The following IMPG2 variants were observed in gnomAD, a reference collection of about 807,000 sequenced individuals.
IMPG2 encodes the protein IPM 200.
Under a neutral mutation model 129.2 loss-of-function variants are expected in IMPG2, and 91 were observed. The ratio of observed to expected loss-of-function variants is 0.70; its 90% CI spans 0.59 to 0.84. IMPG2 has a LOEUF of 0.84. Ranked by LOEUF, IMPG2 falls within the 40% of genes least tolerant of loss-of-function variation. IMPG2 has a pLI of 0.00. For synonymous variants in IMPG2, 510 were observed against 517.7 expected (o/e 0.99, Z 0.20); for missense variants, 1,430 against 1,461.7 (o/e 0.98, Z 0.35).
chr3:101,269,629 G>C (rs1706758101), intron 7 of IMPG2, 56 bp from the exon 8 acceptor site: 1 of 1,005,738 alleles, frequency 9.9e-7, no homozygotes, highest in East Asian at 2.5e-5. Context: ...AAAATATATA[G>C]AAAATAATGC....
chr3:101,227,570 G>A (rs545573920), intron 18 of IMPG2, among the ~76,000 whole-genome samples: 94 of 152,302 alleles, frequency 6.2e-4, no homozygotes, highest in East Asian at 2.1e-3. Context: ...CTAAAGGGTT[G>A]AAACATTCCT....
intron 4 of IMPG2, among the ~76,000 whole-genome samples, chr3:101,281,800 A>G (rs1350393916): frequency 1.3e-5 from 2 of 152,160 alleles, no homozygotes; most frequent in Admixed American, 1.3e-4. Flanking sequence ...AATGTGAGAG[A>G]GACTCCACCG....
intron 5 of IMPG2, among the ~76,000 whole-genome samples, chr3:101,276,031 A>G (rs919516193): frequency 2.0e-5 from 3 of 152,180 alleles, no homozygotes; most frequent in Non-Finnish European, 4.4e-5. Flanking sequence ...TTAAGGAGCT[A>G]TCTAGTAAAG....
intron 14 of IMPG2, among the ~76,000 whole-genome samples, chr3:101,234,514 T>C (rs529297305): frequency 6.6e-6 from 1 of 152,254 alleles, no homozygotes; most frequent in Admixed American, 6.5e-5. Context: ...AGGAAACTAA[T>C]ACAGGGGACC....
chr3:101,233,781 GAC>G (rs1209668912), intron 14 of IMPG2, among the ~76,000 whole-genome samples: 1 of 152,086 alleles, frequency 6.6e-6, no homozygotes, highest in Non-Finnish European at 1.5e-5. Flanking sequence ...GGCAAATGGT[GAC>G]ACAGACATTG....
At chr3:101,317,036 C>T (rs1280117074) in intron 2 of IMPG2, among the ~76,000 whole-genome samples, 1 of 151,708 alleles carries the variant, frequency 6.6e-6, no homozygotes, top group Non-Finnish European at 1.5e-5. Context: ...TAATACATAG[C>T]GATAGAAAGC....
chr3:101,269,505 G>C lies in IMPG2; in HGVS notation c.887+10C>G, dbSNP rs767130055. ...ACTGAAAATGTGCATATTTAGATAAGTCTATTTACCTAAATTCAAGTACAC... is the reference window on the plus strand; with the variant it reads ...ACTGAAAATGTGCATATTTAGATAACTCTATTTACCTAAATTCAAGTACAC... On this transcript the variant is annotated intron_variant, in intron 8 of 18. Transcript: ENST00000193391. 1 of 1,480,708 alleles carries C rather than the reference G, an allele frequency of 6.8e-7. No homozygotes were observed. The highest frequency in any genetic ancestry group is 9.4e-7 in the Non-Finnish European group (1 of 1,058,834). The allele number at this position is 1,480,708 out of a possible 1,614,324, so 91.7% of individuals were successfully genotyped here.
At chr3:101,242,550 AAGATGTGG>A in intron 14 of IMPG2, 130 bp downstream of exon 14, 1 of 702,814 alleles carries the variant, frequency 1.4e-6, no homozygotes. Flanking sequence ...ACTAGTTACC[AAGATGTGG>A]AAGATTTGTC....
intron 14 of IMPG2, among the ~76,000 whole-genome samples, chr3:101,233,874 A>T (rs1444150991): frequency 1.3e-5 from 2 of 152,134 alleles, no homozygotes; most frequent in Non-Finnish European, 2.9e-5. Context: ...GGCTATAGGG[A>T]ATAAAAAGAA....
At chr3:101,278,731 A>T (rs1047603851) in intron 4 of IMPG2, among the ~76,000 whole-genome samples, 7 of 152,104 alleles carry the variant, frequency 4.6e-5, no homozygotes, top group African/African-American at 1.7e-4. Flanking sequence ...CACCATAAAG[A>T]TCTTTCTGGT....
At chr3:101,294,170 AC>A (rs1279681630) in intron 3 of IMPG2, among the ~76,000 whole-genome samples, 2 of 152,106 alleles carry the variant, frequency 1.3e-5, no homozygotes, top group Admixed American at 1.3e-4. Context: ...GGTTTGCTGC[AC>A]CTATCAACCC....
At chr3:101,271,607 G>A (rs1402076708) in intron 7 of IMPG2, among the ~76,000 whole-genome samples, 4 of 152,164 alleles carry the variant, frequency 2.6e-5, no homozygotes, top group African/African-American at 9.7e-5. Context: ...GTAAGTGACT[G>A]AATCAGAATG....
At chr3:101,269,484 A>AAAATGTGC (rs1706754850) in intron 8 of IMPG2, 31 bp downstream of exon 8, 1 of 1,246,372 alleles carries the variant, frequency 8.0e-7, no homozygotes, top group Admixed American at 1.7e-5. Flanking sequence ...AATACTACTG[A>AAAATGTGC]AAATGTGCAT....
intron 3 of IMPG2, among the ~76,000 whole-genome samples, chr3:101,295,973 G>C (rs994674955): frequency 6.6e-6 from 1 of 152,134 alleles, no homozygotes; most frequent in Non-Finnish European, 1.5e-5. Context: ...TGAGACAATG[G>C]GGTTTTCTAA....
chr3:101,294,866 T>C (rs1462684821), intron 3 of IMPG2, among the ~76,000 whole-genome samples: 2 of 152,216 alleles, frequency 1.3e-5, no homozygotes, highest in African/African-American at 4.8e-5. Flanking sequence ...TTTTTTCATA[T>C]GTTTGTTGGC....
At chr3:101,303,292 C>T (rs1297333365) in intron 3 of IMPG2, among the ~76,000 whole-genome samples, 7 of 152,096 alleles carry the variant, frequency 4.6e-5, no homozygotes, top group African/African-American at 1.7e-4. Flanking sequence ...ATAATCCTTG[C>T]CTTTTGACTC....
rs757620571 is a variant in IMPG2, at chr3:101,245,965, A to G, written c.1380T>C (p.Ser460=). 6.2e-7 allele frequency: 1 copy of G among 1,614,188 alleles called. No individual in the cohort carries two copies. Among genetic ancestry groups the G allele is most frequent in the South Asian group, 1.1e-5 (1 of 91,086 alleles). ...WSESPLGDLV[S]THKLAFPSKM... is the part of the protein sequence containing the mutation. ...TCGAGGGAAAGGCTAATTTGTGTGT[A>G]GACACTAAATCACCCAAAGGACTTT... The change falls in exon 12 of 19, where the codon TCT becomes TCC. Residue 460 remains serine, a synonymous_variant. Transcript: ENST00000193391.
At position 101,225,438 on chromosome 3, in the gene IMPG2, C is replaced by A. The variant is rs1478737335; in HGVS notation, c.*1531G>T. The A allele has an allele frequency of 1.3e-5, 2 of 152,026 alleles. No individual in the cohort carries two copies. The highest frequency in any genetic ancestry group is 1.5e-5 in the Non-Finnish European group (1 of 68,020). The allele number at this position is 152,026 out of a possible 1,614,324, so 9.4% of individuals were successfully genotyped here. ...ACGCACACACACATTCACACATACA[C>A]ACACACAACCTGTTATCCATACATA... is the stretch of plus-strand genomic sequence containing the variant. On this transcript the variant is annotated 3_prime_UTR_variant, in exon 19 of 19. Transcript: ENST00000193391.
chr3:101,232,398 C>A (rs894410670), intron 15 of IMPG2, among the ~76,000 whole-genome samples: 1 of 151,998 alleles, frequency 6.6e-6, no homozygotes, highest in Admixed American at 6.6e-5. Flanking sequence ...CCACCACACC[C>A]AGCTAATTTT....
Sources: gnomAD v4.1 joint callset for allele counts (sites outside exome capture counted in the v4.1 genomes callset) on GRCh38, gnomAD v4.1.1 for gene constraint, MANE v1.5 for transcripts, NCBI Gene and HGNC (gene_info 2026-07-23, HGNC 2026-07-21) for gene names.